SCAPER: variants seen among roughly 807,000 people sequenced by gnomAD.
SCAPER encodes S phase cyclin A-associated protein in the endoplasmic reticulum.
In SCAPER, 98 loss-of-function variants were observed where a neutral mutation model predicts 182.2. The observed-to-expected ratio is 0.54, with a 90% CI of 0.46 to 0.64. SCAPER has a LOEUF of 0.64. Among genes scored for constraint, SCAPER ranks in the 30% least tolerant of loss-of-function variants. SCAPER has a pLI of 0.00. For missense variants in SCAPER, 1,432 were observed against 1,690.0 expected (o/e 0.85, Z 2.68); for synonymous variants, 605 against 564.6 (o/e 1.07, Z -1.01).
intron 20 of SCAPER, among the ~76,000 whole-genome samples, chr15:76,681,170 C>A (rs2057680573): frequency 6.6e-6 from 1 of 152,110 alleles, no homozygotes; most frequent in Non-Finnish European, 1.5e-5. Context: ...GATAGTTATA[C>A]CTCAAAGCTC....
At position 76,800,455 on chromosome 15, in the gene SCAPER, T is replaced by A. The variant is rs919315516; in HGVS notation, c.495-91A>T. 3.8e-6 allele frequency: 3 copies of A among 795,622 alleles called. 1 individual carries two copies. In the Admixed American group the frequency reaches 7.7e-5, roughly 20 times the overall value. 49.3% of individuals were successfully genotyped at this position (795,622 alleles called of 1,614,324 possible). ...TCTTGGTTGTTAGTGGCTGAAAAAA[T>A]AATCCTACTTTTCAACAACAACAAC... On this transcript the variant is annotated intron_variant, in intron 6 of 31. Transcript: ENST00000563290.
intron 29 of SCAPER, among the ~76,000 whole-genome samples, chr15:76,373,339 C>T (rs1048188504): frequency 1.3e-5 from 2 of 152,080 alleles, no homozygotes; most frequent in African/African-American, 4.8e-5. Flanking sequence ...TGAGCTACTG[C>T]GCTGGCTGCC....
intron 21 of SCAPER, among the ~76,000 whole-genome samples, chr15:76,637,649 T>C (rs1287341121): frequency 6.7e-6 from 1 of 149,874 alleles, no homozygotes; most frequent in East Asian, 2.0e-4. Flanking sequence ...AAGATTACAG[T>C]GAACTATGAT....
intron 5 of SCAPER, among the ~76,000 whole-genome samples, chr15:76,837,257 A>T (rs2069036265): frequency 6.6e-6 from 1 of 152,328 alleles, no homozygotes; most frequent in South Asian, 2.1e-4. Context: ...ACAAAGACAT[A>T]ACACAGCCAA....
intron 5 of SCAPER, among the ~76,000 whole-genome samples, chr15:76,809,853 TAA>T (rs2066457101): frequency 1.3e-5 from 2 of 152,160 alleles, no homozygotes; most frequent in African/African-American, 4.8e-5. Context: ...ATGAAGACAG[TAA>T]AACAAAAGTT....
intron 23 of SCAPER, among the ~76,000 whole-genome samples, chr15:76,554,095 T>C (rs1222095337): frequency 6.6e-6 from 1 of 152,058 alleles, no homozygotes; most frequent in Non-Finnish European, 1.5e-5. Context: ...AATAAAACAA[T>C]ACAGGAGCTA....
chr15:76,640,778 T>C (rs940577961), intron 21 of SCAPER, among the ~76,000 whole-genome samples: 6 of 152,188 alleles, frequency 3.9e-5, no homozygotes, highest in Non-Finnish European at 7.3e-5. Flanking sequence ...CTGATTACTG[T>C]AAATACAAAG....
At chr15:76,719,023 T>G (rs1344568246) in intron 17 of SCAPER, among the ~76,000 whole-genome samples, 1 of 152,110 alleles carries the variant, frequency 6.6e-6, no homozygotes, top group East Asian at 1.9e-4. Flanking sequence ...AGAACTACCA[T>G]AGGACCCAGC....
intron 17 of SCAPER, among the ~76,000 whole-genome samples, chr15:76,717,660 AC>A (rs2059962049): frequency 6.6e-6 from 1 of 152,110 alleles, no homozygotes; most frequent in East Asian, 1.9e-4. Flanking sequence ...GCTCATAGTA[AC>A]CACAAAACAA....
chr15:76,870,090 G>A (rs1418207849), intron 2 of SCAPER, among the ~76,000 whole-genome samples: 2 of 152,076 alleles, frequency 1.3e-5, no homozygotes, highest in African/African-American at 4.8e-5. Flanking sequence ...CCAAGGCCAG[G>A]AAAAGTAGTG....
chr15:76,878,948 A>G (rs1042000724), intron 2 of SCAPER, among the ~76,000 whole-genome samples: 1 of 152,102 alleles, frequency 6.6e-6, no homozygotes, highest in Admixed American at 6.5e-5. Context: ...TACCAAAAAA[A>G]TTTTTTTAAT....
At chr15:76,634,263 C>A (rs1011804994) in intron 21 of SCAPER, among the ~76,000 whole-genome samples, 15 of 152,196 alleles carry the variant, frequency 9.9e-5, no homozygotes, top group Non-Finnish European at 1.2e-4. Context: ...CCCAGGTAGA[C>A]CCTCACTCCA....
At chr15:76,889,479 C>A (rs1178935566) in intron 1 of SCAPER, among the ~76,000 whole-genome samples, 1 of 152,060 alleles carries the variant, frequency 6.6e-6, no homozygotes, top group Non-Finnish European at 1.5e-5. Context: ...GGAGGAAGAT[C>A]TACCAAGCAA....
intron 21 of SCAPER, among the ~76,000 whole-genome samples, chr15:76,632,730 T>G (rs2439982): frequency 0.15 from 22,725 of 150,968 alleles, 1,930 homozygotes; most frequent in African/African-American, 0.23. Context: ...CTTTCTCATC[T>G]TCATGGATTT....
chr15:76,673,080 G>T (rs904144700), intron 20 of SCAPER, among the ~76,000 whole-genome samples: 2 of 151,972 alleles, frequency 1.3e-5, no homozygotes, highest in Admixed American at 6.6e-5. Flanking sequence ...TTTCAAGAAA[G>T]AAATATAAGC....
chr15:76,457,574 TACAACACAC>T (rs2048831973), intron 25 of SCAPER, among the ~76,000 whole-genome samples: 1 of 152,198 alleles, frequency 6.6e-6, no homozygotes, highest in Non-Finnish European at 1.5e-5. Context: ...TTGAAGGAGT[TACAACACAC>T]AACCTTAACT....
chr15:76,709,068 G>C (rs974407882), intron 17 of SCAPER, among the ~76,000 whole-genome samples: 1 of 152,012 alleles, frequency 6.6e-6, no homozygotes, highest in Non-Finnish European at 1.5e-5. Context: ...AGAAAAAAGA[G>C]TGAAGGAGAG....
chr15:76,596,648 G>A (rs1434955276), intron 22 of SCAPER, among the ~76,000 whole-genome samples: 1 of 121,280 alleles, frequency 8.2e-6, no homozygotes. Context: ...TGGGATGCAA[G>A]GCTGGTTCAA....
chr15:76,510,039 CTG>C (rs1012263717), intron 23 of SCAPER, among the ~76,000 whole-genome samples: 1 of 152,172 alleles, frequency 6.6e-6, no homozygotes, highest in African/African-American at 2.4e-5. Flanking sequence ...GAGAATGAAA[CTG>C]GATCCTCATC....
Sources: allele counts gnomAD v4.1 joint callset (sites outside exome capture counted in the v4.1 genomes callset), GRCh38; gene constraint gnomAD v4.1.1; transcripts MANE v1.5; gene names NCBI Gene and HGNC (gene_info 2026-07-23, HGNC 2026-07-21).